The following DOK6 variants were observed in gnomAD, a reference collection of about 807,000 sequenced individuals.
DOK6 encodes the protein downstream of tyrosine kinase 6.
DOK6 carries 22 observed loss-of-function variants against 44.0 expected under a neutral mutation model. That is an observed-to-expected ratio of 0.50 (90% CI 0.36 to 0.71). DOK6 has a LOEUF of 0.71. Among genes scored for constraint, DOK6 ranks in the 30% least tolerant of loss-of-function variants. The pLI, the probability that DOK6 is intolerant of heterozygous loss-of-function variation, is 0.00. For missense variants in DOK6, 340 were observed against 416.4 expected (o/e 0.82, Z 1.60); for synonymous variants, 166 against 145.5 (o/e 1.14, Z -1.01).
Position 69,651,635 on chromosome 18 carries a change from T to C in DOK6, c.290-26099T>C, listed in dbSNP as rs566603956. ...TCTGGAATAGCTAGGATTACAGACA[T>C]GTGCCACCACACCCAGCTAATTTTT... On this transcript the variant is annotated intron_variant, in intron 3 of 7. Coordinates refer to ENST00000382713, the MANE Select transcript of DOK6 (RefSeq NM_152721.6). Among the ~76,000 whole-genome samples the C allele has an allele frequency of 9.2e-5, 14 of 152,016 alleles. No homozygotes were observed. In the East Asian group the frequency reaches 2.1e-3, roughly 23 times the overall value.
chr18:69,779,134 C>T (rs1376978162), intron 7 of DOK6, among the ~76,000 whole-genome samples: 1 of 152,144 alleles, frequency 6.6e-6, no homozygotes, highest in African/African-American at 2.4e-5. Context: ...ACCTCATCTT[C>T]GTGCTGTTGA....
At chr18:69,760,803 T>C (rs1979528262) in intron 7 of DOK6, among the ~76,000 whole-genome samples, 1 of 63,720 alleles carries the variant, frequency 1.6e-5, no homozygotes, top group Admixed American at 1.6e-4. Context: ...TTCTATCTAG[T>C]AGGAGCCTGC....
At chr18:69,764,015 C>T (rs1209432827) in intron 7 of DOK6, among the ~76,000 whole-genome samples, 3 of 152,144 alleles carry the variant, frequency 2.0e-5, no homozygotes, top group African/African-American at 7.2e-5. Flanking sequence ...ATGTGAGCCC[C>T]ATGCTCTTGC....
intron 4 of DOK6, among the ~76,000 whole-genome samples, chr18:69,696,125 T>A (rs182592886): frequency 6.6e-6 from 1 of 152,208 alleles, no homozygotes; most frequent in Non-Finnish European, 1.5e-5. Context: ...CATGTGAATC[T>A]TATTAAATTT....
intron 5 of DOK6, among the ~76,000 whole-genome samples, chr18:69,726,852 TAAA>T (rs35924499): frequency 1.1e-3 from 143 of 131,800 alleles, no homozygotes; most frequent in African/African-American, 2.7e-3. Context: ...TGATCCTTTT[TAAA>T]AAAAAAAAAA....
intron 1 of DOK6, among the ~76,000 whole-genome samples, chr18:69,527,289 G>A (rs1450261277): frequency 6.6e-6 from 1 of 152,160 alleles, no homozygotes; most frequent in African/African-American, 2.4e-5. Flanking sequence ...CCTGAGACTG[G>A]GTAATTTATA....
intron 5 of DOK6, among the ~76,000 whole-genome samples, chr18:69,720,526 G>A (rs903173646): frequency 2.0e-5 from 3 of 152,106 alleles, no homozygotes; most frequent in African/African-American, 4.8e-5. Flanking sequence ...CTTCAAAGTC[G>A]ACCAATTTCC....
At chr18:69,595,921 A>C (rs927865740) in intron 2 of DOK6, among the ~76,000 whole-genome samples, 1 of 152,122 alleles carries the variant, frequency 6.6e-6, no homozygotes, top group African/African-American at 2.4e-5. Context: ...TTTTTGCCCT[A>C]GAAGAATAAA....
intron 5 of DOK6, among the ~76,000 whole-genome samples, chr18:69,737,053 G>C (rs933909427): frequency 6.6e-6 from 1 of 152,114 alleles, no homozygotes; most frequent in African/African-American, 2.4e-5. Flanking sequence ...TCTAGTATTG[G>C]CTTGTTACCA....
At chr18:69,770,007 A>G (rs185543908) in intron 7 of DOK6, among the ~76,000 whole-genome samples, 12 of 152,270 alleles carry the variant, frequency 7.9e-5, no homozygotes, top group Admixed American at 5.9e-4. Context: ...TTATTGAGCA[A>G]CCTTCTATGA....
intron 7 of DOK6, among the ~76,000 whole-genome samples, chr18:69,795,397 C>T (rs776287217): frequency 2.0e-4 from 31 of 152,014 alleles, no homozygotes; most frequent in Non-Finnish European, 3.5e-4. Context: ...TCTTTAAAAA[C>T]GTGATGAAGG....
chr18:69,502,899 C>T (rs894105024), intron 1 of DOK6, among the ~76,000 whole-genome samples: 4 of 152,168 alleles, frequency 2.6e-5, no homozygotes, highest in East Asian at 1.9e-4. Flanking sequence ...ATAGAAAGTT[C>T]TGTAGTGTGC....
intron 7 of DOK6, among the ~76,000 whole-genome samples, chr18:69,834,821 T>C (rs1391268091): frequency 1.3e-5 from 2 of 152,208 alleles, no homozygotes; most frequent in Non-Finnish European, 2.9e-5. Flanking sequence ...ATTTTCACAC[T>C]GCTATAAAGA....
At chr18:69,583,875 A>G (rs1363386474) in intron 2 of DOK6, among the ~76,000 whole-genome samples, 3 of 152,134 alleles carry the variant, frequency 2.0e-5, no homozygotes, top group Non-Finnish European at 4.4e-5. Context: ...TTGGGAGACC[A>G]AGGCGGGAGG....
At chr18:69,802,275 A>G (rs957073612) in intron 7 of DOK6, among the ~76,000 whole-genome samples, 2 of 152,140 alleles carry the variant, frequency 1.3e-5, no homozygotes, top group Non-Finnish European at 2.9e-5. Context: ...CCATGGTTCA[A>G]CTTGAAGATT....
chr18:69,766,399 G>GTTT (rs1979717774), intron 7 of DOK6, among the ~76,000 whole-genome samples: 1 of 152,128 alleles, frequency 6.6e-6, no homozygotes, highest in Non-Finnish European at 1.5e-5. Flanking sequence ...TAAAAGAAAA[G>GTTT]TCGAAATTGT....
chr18:69,548,309 A>G lies in DOK6; in HGVS notation c.67-16178A>G, dbSNP rs974129409. Among the ~76,000 whole-genome samples, 5 of 151,344 alleles carry G rather than the reference A, an allele frequency of 3.3e-5. 1 individual carries two copies. The highest frequency in any genetic ancestry group is 1.2e-4 in the African/African-American group (5 of 41,306). ...ATTGACGGACACTTAGGTTGATTCT[A>G]CATCTTGCTATTGTGAACAGGGGGC... On this transcript the variant is annotated intron_variant, in intron 1 of 7. Coordinates refer to ENST00000382713, the MANE Select transcript of DOK6 (RefSeq NM_152721.6).
At chr18:69,440,885 A>T (rs1026315523) in intron 1 of DOK6, among the ~76,000 whole-genome samples, 2 of 152,154 alleles carry the variant, frequency 1.3e-5, no homozygotes, top group Non-Finnish European at 2.9e-5. Flanking sequence ...GTCTGATTGA[A>T]GGTTTAATAC....
At chr18:69,806,022 T>G (rs1054511398) in intron 7 of DOK6, among the ~76,000 whole-genome samples, 1 of 151,944 alleles carries the variant, frequency 6.6e-6, no homozygotes, top group African/African-American at 2.4e-5. Flanking sequence ...AAAGTATAGG[T>G]TTTTTGCTTT....
Sources: gnomAD v4.1 joint callset for allele counts (sites outside exome capture counted in the v4.1 genomes callset) on GRCh38, gnomAD v4.1.1 for gene constraint, MANE v1.5 for transcripts, NCBI Gene and HGNC (gene_info 2026-07-23, HGNC 2026-07-21) for gene names.